Variants in NDUFC1 observed in about 807,000 individuals in gnomAD.
NDUFC1 encodes the protein NADH:ubiquinone oxidoreductase subunit C1, also known as NADH dehydrogenase [ubiquinone] 1 subunit C1, mitochondrial.
In NDUFC1, 11 loss-of-function variants were observed where a neutral mutation model predicts 11.6. That is an observed-to-expected ratio of 0.95 (90% CI 0.60 to 1.58). NDUFC1 has a LOEUF of 1.58. Among genes scored for constraint, NDUFC1 ranks in the 40% most tolerant of loss-of-function variants. NDUFC1 has a pLI of 0.00. For missense variants in NDUFC1, 112 were observed against 93.0 expected (o/e 1.20, Z -0.84); for synonymous variants, 52 against 42.2 (o/e 1.23, Z -0.90).
chr4:139,291,215 A>T (rs1745201671), intron 5 of NDUFC1, among the ~76,000 whole-genome samples: 1 of 152,056 alleles, frequency 6.6e-6, no homozygotes, highest in South Asian at 2.1e-4. Flanking sequence ...TTTACCAGGA[A>T]CTGTCCAACT....
intron 3 of NDUFC1, 136 bp from the exon 4 acceptor site, chr4:139,295,282 G>C (rs1283699014): frequency 1.2e-5 from 8 of 691,218 alleles, no homozygotes; most frequent in Non-Finnish European, 2.0e-5. Context: ...CAAGGAAATA[G>C]AGGTTCAAAG....
chr4:139,299,114 C>A (rs1410363616), intron 1 of NDUFC1, among the ~76,000 whole-genome samples: 1 of 151,970 alleles, frequency 6.6e-6, no homozygotes, highest in Non-Finnish European at 1.5e-5. Flanking sequence ...GGGTTACAGG[C>A]ACGCACCACC....
chr4:139,293,930 ATTTTTTTTT>A (rs775805536), intron 4 of NDUFC1, among the ~76,000 whole-genome samples: 5 of 69,746 alleles, frequency 7.2e-5, no homozygotes, highest in African/African-American at 1.3e-4. Flanking sequence ...TGTGGTGTGA[ATTTTTTTTT>A]TTTTTTTTTT....
At chr4:139,301,643 G>C (rs747044080) in intron 1 of NDUFC1, 1 of 1,008,886 alleles carries the variant, frequency 9.9e-7, no homozygotes, top group Non-Finnish European at 1.4e-6. Context: ...GCAACGCGGC[G>C]ACACCCGAGG....
In NDUFC1 at chr4:139,293,525, AT is replaced by A. The variant is rs1745320486; in HGVS notation, c.172-917del. Among the ~76,000 whole-genome samples, 3 of 152,350 alleles carry A rather than the reference AT, an allele frequency of 2.0e-5. No homozygotes were observed. In the South Asian group the frequency reaches 6.2e-4, roughly 32 times the overall value. ...CTTAAATTAAGAATGTATAAAATTC[AT>A]TATAAGCAACATTATTCAAAAAGAT... On this transcript the variant is annotated intron_variant, in intron 4 of 5. Coordinates refer to ENST00000394223, the MANE Select transcript of NDUFC1 (RefSeq NM_001184989.2).
intron 1 of NDUFC1, among the ~76,000 whole-genome samples, chr4:139,298,555 A>G (rs570898091): frequency 2.0e-3 from 310 of 152,144 alleles, no homozygotes; most frequent in Admixed American, 4.3e-3. Flanking sequence ...GGAGTTCAAG[A>G]GTAGCCTGGG....
intron 1 of NDUFC1, among the ~76,000 whole-genome samples, chr4:139,300,238 T>C (rs1263802651): frequency 1.3e-5 from 2 of 152,188 alleles, no homozygotes; most frequent in East Asian, 3.8e-4. Flanking sequence ...TTAAGGAAAC[T>C]CCAGGATTTG....
chr4:139,293,972 C>T (rs185151306), intron 4 of NDUFC1, among the ~76,000 whole-genome samples: 349 of 117,554 alleles, frequency 3.0e-3, no homozygotes, highest in Admixed American at 8.0e-3. Flanking sequence ...GACAGAGTCT[C>T]GCTGTATCTC....
At chr4:139,298,455 A>T (rs920810342) in intron 1 of NDUFC1, among the ~76,000 whole-genome samples, 2 of 150,854 alleles carry the variant, frequency 1.3e-5, no homozygotes. Context: ...AAAAAAAAAA[A>T]AAAAGATTCA....
chr4:139,301,382 C>A, intron 1 of NDUFC1: 2 of 420,936 alleles, frequency 4.8e-6, no homozygotes, highest in Non-Finnish European at 8.4e-6. Context: ...CCTCCACAGG[C>A]AGGCCAGCCT....
chr4:139,290,836 G>A (rs896430796), intron 5 of NDUFC1, among the ~76,000 whole-genome samples: 9 of 151,266 alleles, frequency 5.9e-5, no homozygotes, highest in African/African-American at 1.5e-4. Context: ...TTGTTCTGTT[G>A]CCCAGGCTGG....
chr4:139,294,368 G>GT (rs898333258), intron 4 of NDUFC1, among the ~76,000 whole-genome samples: 1 of 152,078 alleles, frequency 6.6e-6, no homozygotes, highest in African/African-American at 2.4e-5. Flanking sequence ...CACACTGCTG[G>GT]TTTGTCCTTA....
At chr4:139,300,196 T>C (rs1289423558) in intron 1 of NDUFC1, among the ~76,000 whole-genome samples, 1 of 152,232 alleles carries the variant, frequency 6.6e-6, no homozygotes, top group Non-Finnish European at 1.5e-5. Context: ...ATATATGATT[T>C]TTCTCAAACT....
At chr4:139,298,270 T>C (rs1176668730) in intron 1 of NDUFC1, among the ~76,000 whole-genome samples, 2 of 149,442 alleles carry the variant, frequency 1.3e-5, no homozygotes. Flanking sequence ...AGAAACCCTG[T>C]CTCTACTAAA....
intron 1 of NDUFC1, chr4:139,301,229 G>T: frequency 3.5e-6 from 1 of 287,022 alleles, no homozygotes; most frequent in Non-Finnish European, 6.5e-6. Flanking sequence ...ATGAAAGGTC[G>T]ATCTAGCAGG....
In NDUFC1 at chr4:139,291,565, A is replaced by AAAAAT. The variant is rs552221250; in HGVS notation, c.*20+960_*20+964dup. On this transcript the variant is annotated intron_variant, in intron 5 of 5. Transcript: ENST00000394223. ...ACTCCAGCCTGGTGGCTCCGTCTCA[A>AAAAAT]AAAATAAAATAAAATAAAAAGAATC... Among the ~76,000 whole-genome samples, 47 of 152,212 alleles carry AAAAAT rather than the reference A, an allele frequency of 3.1e-4. No individual in the cohort carries two copies. In the South Asian group the frequency reaches 7.9e-3, roughly 26 times the overall value.
chr4:139,292,334 A>AACCCCCC (rs1745260367), intron 5 of NDUFC1, among the ~76,000 whole-genome samples, 196 bp downstream of exon 5: 1 of 147,442 alleles, frequency 6.8e-6, no homozygotes, highest in African/African-American at 2.6e-5. Context: ...AACAAAAAAA[A>AACCCCCC]CCCCATCCCC....
chr4:139,295,736 G>A lies in NDUFC1; in HGVS notation c.63C>T (p.Ser21=), dbSNP rs187649924. 4.9e-4 allele frequency: 756 copies of A among 1,543,036 alleles called. 3 individuals are homozygous for A. The African/African-American group carries it at 8.8e-3, about 18-fold the overall frequency. ...CTGCACGAGGAGGATACTCACGGCC[G>A]CTCGGGAGCCTGGCGGGGGCCAGCA... The part of the protein sequence containing the change: ...SRLLAPARLP[S]GPSVRSKFYV... The change falls in exon 3 of 6, where the codon AGC becomes AGT. Residue 21 remains serine, a synonymous_variant. Transcript: ENST00000394223.
chr4:139,295,858 C>A lies in NDUFC1; in HGVS notation c.-60G>T. ...AACAGAACCAGCGCCACCTGGCGGC[C>A]GGAAGTGCGGGACTCGAGGGCTCTG... On this transcript the variant is annotated 5_prime_UTR_variant, in exon 3 of 6. Coordinates refer to ENST00000394223, the MANE Select transcript of NDUFC1 (RefSeq NM_001184989.2). 2 of 1,515,252 alleles carry A rather than the reference C, an allele frequency of 1.3e-6. No homozygotes were observed. The highest frequency in any genetic ancestry group is 1.2e-5 in the South Asian group (1 of 82,006). 93.9% of individuals were successfully genotyped at this position (1,515,252 alleles called of 1,614,324 possible).
Sources: gnomAD v4.1 joint callset for allele counts (sites outside exome capture counted in the v4.1 genomes callset) on GRCh38, gnomAD v4.1.1 for gene constraint, MANE v1.5 for transcripts, NCBI Gene and HGNC (gene_info 2026-07-23, HGNC 2026-07-21) for gene names.